POLR2F: variants seen among roughly 807,000 people sequenced by gnomAD.
The protein encoded by POLR2F is DNA-directed RNA polymerases I, II, and III subunit RPABC2.
A neutral mutation model predicts 22.7 loss-of-function variants in POLR2F; 12 were observed. The observed-to-expected ratio is 0.53, with a 90% confidence interval of 0.34 to 0.86. The LOEUF (loss-of-function observed/expected upper bound fraction) is 0.86, where lower values mean the gene tolerates loss of function less well. Among genes scored for constraint, POLR2F ranks in the 40% least tolerant of loss-of-function variants. POLR2F has a pLI of 0.02. For missense variants in POLR2F, 126 were observed against 171.5 expected (o/e 0.73, Z 1.48); for synonymous variants, 57 against 66.0 (o/e 0.86, Z 0.66).
At chr22:37,996,640 G>A in intron 1 of POLR2F, among the ~76,000 whole-genome samples, 1 of 152,236 alleles carries the variant, frequency 6.6e-6, no homozygotes, top group East Asian at 1.9e-4. Flanking sequence ...TCACTCAACA[G>A]GAGGAAGAGC....
chr22:38,025,995 C>T, exon 2 of POLR2F: 1 of 570,628 alleles, frequency 1.8e-6, no homozygotes, highest in South Asian at 1.4e-5. Flanking sequence ...TCAGAGGGCC[C>T]TGGAATCTTC....
intron 4 of POLR2F, chr22:37,977,971 C>T (rs2145768215): frequency 1.2e-6 from 2 of 1,612,102 alleles, no homozygotes; most frequent in Non-Finnish European, 1.7e-6. Flanking sequence ...GGCGGTCCCA[C>T]CTTGCTCGGC....
intron 4 of POLR2F, among the ~76,000 whole-genome samples, chr22:37,979,077 C>G: frequency 6.6e-6 from 1 of 151,530 alleles, no homozygotes; most frequent in East Asian, 1.9e-4. Flanking sequence ...GTGCCCAGCC[C>G]AAGAGGTACT....
chr22:37,993,545 G>A (rs1033521514), intron 1 of POLR2F, among the ~76,000 whole-genome samples: 11 of 152,192 alleles, frequency 7.2e-5, no homozygotes, highest in Admixed American at 1.3e-4. Context: ...AATGGGAGCC[G>A]AGTGATGATG....
chr22:38,032,689 A>G (rs897877153), intron 5 of POLR2F: 1 of 152,314 alleles, frequency 6.6e-6, no homozygotes, highest in Admixed American at 6.5e-5. Flanking sequence ...GTAGGAACCA[A>G]CGTGGGGTGG....
chr22:37,997,928 C>T lies in POLR2F; in HGVS notation c.120+11616C>T, dbSNP rs905236461. Among the ~76,000 whole-genome samples, 26 of 152,286 alleles carry T rather than the reference C, an allele frequency of 1.7e-4. No individual in the cohort carries two copies. The highest frequency in any genetic ancestry group is 2.0e-4 in the Admixed American group (3 of 15,294). ...CCGCAGGATTTGTACCATCTCCTGGCGCGAGAGCCAGGGTTGCCCAGATTG... is the reference window on the plus strand; with the variant it reads ...CCGCAGGATTTGTACCATCTCCTGGTGCGAGAGCCAGGGTTGCCCAGATTG... On this transcript the variant is annotated intron_variant, in intron 1 of 2. Transcript: ENST00000333418. The surrounding 1 kb of genome is among the most constrained non-coding windows in gnomAD (Gnocchi z 4.4).
chr22:38,018,535 C>T (rs1213248106), intron 1 of POLR2F, among the ~76,000 whole-genome samples: 1 of 152,098 alleles, frequency 6.6e-6, no homozygotes, highest in South Asian at 2.1e-4. Context: ...AGGCTATCAC[C>T]GAATTCTGAT....
At chr22:37,954,941 G>A (rs975122384) in intron 1 of POLR2F, among the ~76,000 whole-genome samples, 3 of 152,098 alleles carry the variant, frequency 2.0e-5, no homozygotes, top group Admixed American at 6.6e-5. Flanking sequence ...CAAGTGAGGA[G>A]AGCAAGTGGC....
At chr22:37,993,664 T>G (rs1932759886) in intron 1 of POLR2F, among the ~76,000 whole-genome samples, 1 of 151,998 alleles carries the variant, frequency 6.6e-6, no homozygotes, top group African/African-American at 2.4e-5. Context: ...CTCCTGTCTG[T>G]AAAATGAGAA....
Position 37,968,045 on chromosome 22 carries a change from C to T in POLR2F, c.*330C>T, listed in dbSNP as rs1283164694. The T allele has an allele frequency of 9.8e-7, 1 of 1,021,658 alleles. No homozygotes were observed. The highest frequency in any genetic ancestry group is 1.2e-6 in the Non-Finnish European group (1 of 852,734). The allele number at this position is 1,021,658 out of a possible 1,614,324, so 63.3% of individuals were successfully genotyped here. ...CAAGCAGACAGACAAGTCTTTGTGC[C>T]CAGGGAGCTGGTTGCCACGGAAACC... On this transcript the variant is annotated 3_prime_UTR_variant, in exon 5 of 5. Coordinates refer to ENST00000442738, the MANE Select transcript of POLR2F (RefSeq NM_021974.5).
intron 3 of POLR2F, among the ~76,000 whole-genome samples, chr22:37,965,823 G>A (rs966582711): frequency 1.3e-5 from 2 of 152,204 alleles, no homozygotes; most frequent in African/African-American, 4.8e-5. Context: ...CCGGGGGTCT[G>A]GGGAAGGACC....
At position 38,017,692 on chromosome 22, in the gene POLR2F, C is replaced by A. The variant is rs2084926907; in HGVS notation, c.121-8177C>A. Among the ~76,000 whole-genome samples the A allele has an allele frequency of 6.6e-6, 1 of 152,152 alleles. No individual in the cohort carries two copies. Among genetic ancestry groups the A allele is most frequent in the African/African-American group, 2.4e-5 (1 of 41,426 alleles). ...CCTCTCCCTGCAACTTCCTGTAGGT[C>A]TCTCTGTAGCACCAGCCAAGAAGTC... On this transcript the variant is annotated intron_variant, in intron 1 of 2. Coordinates refer to the POLR2F transcript ENST00000333418. The surrounding 1 kb of genome is among the most constrained non-coding windows in gnomAD (Gnocchi z 4.1).
chr22:37,999,436 A>T (rs2084748755), intron 1 of POLR2F, among the ~76,000 whole-genome samples: 1 of 152,116 alleles, frequency 6.6e-6, no homozygotes, highest in Non-Finnish European at 1.5e-5. Context: ...ACTGAGGACC[A>T]GCAGGTCTCC....
rs957514083 is a variant in POLR2F at position 38,036,426 on chromosome 22, TC to T, written c.453-4638del. 3.6e-4 allele frequency among the ~76,000 whole-genome samples: 54 copies of T among 151,414 alleles called. No individual in the cohort carries two copies. In the East Asian group the frequency reaches 6.4e-3, roughly 18 times the overall value. ...CAACCAGGAAGTCCACAGGCAACTT[TC>T]CCCTTCAGGGGCCTGGAAGCCCCCA... On this transcript the variant is annotated intron_variant, in intron 5 of 5. Coordinates refer to the POLR2F transcript ENST00000407936.
rs1159353447 is a variant in POLR2F, at chr22:38,010,602, G to GTTTTT, written c.121-15244_121-15240dup. Among the ~76,000 whole-genome samples, 38 of 60,900 alleles carry GTTTTT rather than the reference G, an allele frequency of 6.2e-4. 3 individuals are homozygous for GTTTTT. Among genetic ancestry groups the GTTTTT allele is most frequent in the African/African-American group, 2.2e-3 (30 of 13,886 alleles). The allele number at this position is 60,900 out of a possible 152,430, so 40.0% of individuals were successfully genotyped here. A position where few individuals can be genotyped will look rare whatever the true frequency, so the allele number is the denominator to read the frequency against. On this transcript the variant is annotated intron_variant, in intron 1 of 2. Coordinates refer to the POLR2F transcript ENST00000333418. ...TAAATATGTAGTAATAATTCCTTGT[G>GTTTTT]TTTTTTTTTTTTTTTTTTTTTTTTT...
At chr22:37,986,178 C>T (rs554760896), upstream of POLR2F, 1,992 of 1,542,542 alleles carry the variant, frequency 1.3e-3, 12 homozygotes, top group Non-Finnish European at 1.1e-3. The surrounding 1 kb of genome is among the most constrained non-coding windows in gnomAD (Gnocchi z 4.7). Flanking sequence ...CAGAACCGCC[C>T]GGAGAGGAGC....
At chr22:37,974,114 C>T (rs1407535458), downstream of POLR2F, 8 of 1,613,136 alleles carry the variant, frequency 5.0e-6, no homozygotes, top group Admixed American at 8.3e-5. This position sits in a 1 kb window ranked among gnomAD's most constrained non-coding sequence, Gnocchi z 5.4. Flanking sequence ...CCCCATGGAG[C>T]GCCCGTCCCG....
downstream of POLR2F, chr22:38,041,274 C>T: frequency 2.1e-6 from 2 of 944,418 alleles, no homozygotes; most frequent in Non-Finnish European, 1.6e-6. Context: ...GGGAGGTTTC[C>T]AGGACACCCC....
At chr22:38,031,224 A>G (rs1456508250), downstream of POLR2F, among the ~76,000 whole-genome samples, 1 of 152,154 alleles carries the variant, frequency 6.6e-6, no homozygotes, top group Non-Finnish European at 1.5e-5. This position sits in a 1 kb window ranked among gnomAD's most constrained non-coding sequence, Gnocchi z 4.1. Context: ...AATCTGCTTC[A>G]TCTTTTTCAA....
Sources: allele counts gnomAD v4.1 joint callset (sites outside exome capture counted in the v4.1 genomes callset), GRCh38; gene constraint gnomAD v4.1.1; non-coding constraint Gnocchi (gnomAD v3.1); transcripts MANE v1.5; gene names NCBI Gene and HGNC (gene_info 2026-07-23, HGNC 2026-07-21).